DOCK7: variants seen among roughly 807,000 people sequenced by gnomAD.
DOCK7 encodes the protein dedicator of cytokinesis protein 7.
DOCK7 carries 138 observed loss-of-function variants against 271.0 expected under a neutral mutation model. The observed-to-expected ratio is 0.51, with a 90% CI of 0.44 to 0.59. The LOEUF is 0.59. DOCK7 is among the 20% of genes least tolerant of loss of function. The pLI, the probability that DOCK7 is intolerant of heterozygous loss-of-function variation, is 0.00. For synonymous variants in DOCK7, 823 were observed against 876.1 expected, an observed-to-expected ratio of 0.94 and a Z score of 1.07; for missense variants, 2,066 against 2,592.4, an observed-to-expected ratio of 0.80 and a Z score of 4.41.
chr1:62,489,841 T>C (rs1287103030), intron 41 of DOCK7, among the ~76,000 whole-genome samples: 1 of 152,170 alleles, frequency 6.6e-6, no homozygotes, highest in Non-Finnish European at 1.5e-5. Context: ...TCCTGGGACA[T>C]AAAAATCATT....
intron 10 of DOCK7, 110 bp downstream of exon 10, chr1:62,633,388 C>T (rs1654865578): frequency 1.3e-6 from 1 of 779,228 alleles, no homozygotes; most frequent in Non-Finnish European, 2.1e-6. Flanking sequence ...TGCTTTGTTG[C>T]ATATTAAAGC....
At chr1:62,655,581 T>C (rs1313123265) in intron 2 of DOCK7, among the ~76,000 whole-genome samples, 3 of 152,002 alleles carry the variant, frequency 2.0e-5, no homozygotes, top group Non-Finnish European at 2.9e-5. Context: ...TGAGCTACCA[T>C]GCCTCACTAA....
At chr1:62,655,991 CTA>C (rs2149700022) in intron 2 of DOCK7, among the ~76,000 whole-genome samples, 1 of 152,208 alleles carries the variant, frequency 6.6e-6, no homozygotes, top group East Asian at 1.9e-4. Context: ...AAAATTTTTT[CTA>C]TGATTTTTTC....
intron 14 of DOCK7, among the ~76,000 whole-genome samples, chr1:62,618,380 C>T (rs1237883424): frequency 6.6e-6 from 1 of 152,148 alleles, no homozygotes; most frequent in African/African-American, 2.4e-5. Flanking sequence ...CAAATCCCAT[C>T]ACCATCACAC....
chr1:62,665,811 T>C (rs1030529804), intron 1 of DOCK7, among the ~76,000 whole-genome samples: 1 of 151,708 alleles, frequency 6.6e-6, no homozygotes, highest in Non-Finnish European at 1.5e-5. Context: ...ACTAGCTCAG[T>C]GTTTCTGGGG....
intron 18 of DOCK7, among the ~76,000 whole-genome samples, chr1:62,568,616 A>G: frequency 6.7e-6 from 1 of 150,068 alleles, no homozygotes; most frequent in South Asian, 2.1e-4. Context: ...AAAAAAAAAA[A>G]AAAAAAAAAA....
rs576944459 is a variant in DOCK7, at chr1:62,619,957, A to C, written c.1462T>G (p.Phe488Val). Residue 488 changes from phenylalanine to valine, a missense_variant, in exon 13 of 50, where the codon TTC (phenylalanine) becomes GTC (valine). Physicochemically the swap from Phe to Val is conservative, Grantham distance 50 (BLOSUM62 -1). This residue lies in a region of DOCK7 where 1,414 missense variants were observed against 1,670.4 expected (regional missense o/e 0.85). Transcript: ENST00000635253. ...DRLSDEDLYK[F>V]LADMRRPSSV... The stretch of plus-strand genomic sequence containing the variant: ...GATGGCCTTCTCATATCAGCAAGGA[A>C]TTTGTAGAGATCTTCATCACTTAAG... The C allele has an allele frequency of 1.2e-6, 2 of 1,613,866 alleles. No homozygotes were observed. The highest frequency in any genetic ancestry group is 3.3e-5 in the Admixed American group (2 of 59,996).
chr1:62,633,237 T>C (rs1654843902), intron 10 of DOCK7, among the ~76,000 whole-genome samples: 1 of 152,034 alleles, frequency 6.6e-6, no homozygotes, highest in Non-Finnish European at 1.5e-5. Flanking sequence ...TCAGTTAGTT[T>C]TGAGATAGAA....
intron 33 of DOCK7, among the ~76,000 whole-genome samples, chr1:62,512,267 C>T (rs770906957): frequency 3.9e-5 from 6 of 152,190 alleles, no homozygotes; most frequent in Non-Finnish European, 7.3e-5. Flanking sequence ...ATCATCTACA[C>T]AGATGACCAA....
chr1:62,505,396 T>C (rs1646909888), intron 36 of DOCK7, among the ~76,000 whole-genome samples: 1 of 152,182 alleles, frequency 6.6e-6, no homozygotes, highest in South Asian at 2.1e-4. Context: ...AGAAGCCCCA[T>C]ATTTAAGATT....
intron 32 of DOCK7, 43 bp downstream of exon 32, chr1:62,513,673 T>C: frequency 6.2e-7 from 1 of 1,605,710 alleles, no homozygotes; most frequent in South Asian, 1.1e-5. Flanking sequence ...CCACATTATG[T>C]TTCTCCTTTC....
At chr1:62,554,552 CCTGT>C (rs931886147) in intron 21 of DOCK7, among the ~76,000 whole-genome samples, 8 of 149,694 alleles carry the variant, frequency 5.3e-5, no homozygotes, top group African/African-American at 1.7e-4. Flanking sequence ...CATCTTCCAA[CCTGT>C]CTTTTATTTT....
At position 62,646,329 on chromosome 1, in the gene DOCK7, A is replaced by G. The variant is rs188979500; in HGVS notation, c.818+1362T>C. Among the ~76,000 whole-genome samples, 299 of 152,322 alleles carry G rather than the reference A, an allele frequency of 2.0e-3. 3 individuals are homozygous for G. Among genetic ancestry groups the G allele is most frequent in the Admixed American group, 7.4e-3 (113 of 15,300 alleles). On this transcript the variant is annotated intron_variant, in intron 7 of 49. Transcript: ENST00000635253. ...GACAAAAAGAAAATTAGTGATTGTCAGGTGCTGAGGAAAAGAGAGAACAGG... is the reference window on the plus strand; with the variant it reads ...GACAAAAAGAAAATTAGTGATTGTCGGGTGCTGAGGAAAAGAGAGAACAGG...
At position 62,510,634 on chromosome 1, in the gene DOCK7, T is replaced by G; in HGVS notation, c.4322A>C (p.Asn1441Thr). Residue 1441 changes from asparagine to threonine, a missense_variant, in exon 34 of 50, where the codon AAT (asparagine) becomes ACT (threonine). This residue lies in a region of DOCK7 where 652 missense variants were observed against 922.1 expected (regional missense o/e 0.71). Transcript: ENST00000635253. ...PSGSAFGSQE[N>T]LRWRKDMTHW... ...AGTCATATCTTTCCTCCACCTCAAATTTTCTTGACTTCCAAAGGCACTTCC... is the reference window on the plus strand; with the variant it reads ...AGTCATATCTTTCCTCCACCTCAAAGTTTCTTGACTTCCAAAGGCACTTCC... 6.2e-7 allele frequency: 1 copy of G among 1,613,330 alleles called. No individual in the cohort carries two copies. The highest frequency in any genetic ancestry group is 8.5e-7 in the Non-Finnish European group (1 of 1,179,548).
intron 29 of DOCK7, among the ~76,000 whole-genome samples, chr1:62,529,999 C>A (rs752235624): frequency 6.6e-6 from 1 of 152,160 alleles, no homozygotes; most frequent in African/African-American, 2.4e-5. Flanking sequence ...GACTCTCAAT[C>A]CCCCTCAGTT....
chr1:62,620,513 G>A (rs1357267030), intron 12 of DOCK7, among the ~76,000 whole-genome samples: 1 of 151,760 alleles, frequency 6.6e-6, no homozygotes, highest in Non-Finnish European at 1.5e-5. Context: ...TAATACCACT[G>A]TCTTTTTTCT....
intron 7 of DOCK7, among the ~76,000 whole-genome samples, chr1:62,636,886 A>G (rs1655341772): frequency 6.6e-6 from 1 of 152,224 alleles, no homozygotes; most frequent in Non-Finnish European, 1.5e-5. Flanking sequence ...CTGAGGCACT[A>G]ATCACTTTCT....
chr1:62,477,618 G>A, intron 44 of DOCK7, 82 bp downstream of exon 44: 4 of 1,407,890 alleles, frequency 2.8e-6, no homozygotes, highest in Non-Finnish European at 3.8e-6. Context: ...CTTACTAAAT[G>A]ATTAGATCTG....
At chr1:62,462,387 C>T (rs924349181) in intron 48 of DOCK7, among the ~76,000 whole-genome samples, 3 of 152,172 alleles carry the variant, frequency 2.0e-5, no homozygotes, top group Non-Finnish European at 4.4e-5. Flanking sequence ...CACGGCAAAG[C>T]TTATTATAAA....
Sources: allele counts gnomAD v4.1 joint callset (sites outside exome capture counted in the v4.1 genomes callset), GRCh38; gene constraint gnomAD v4.1.1; regional missense constraint gnomAD v4.1.1; transcripts MANE v1.5; gene names NCBI Gene and HGNC (gene_info 2026-07-23, HGNC 2026-07-21).